The following CLN6 variants were observed in gnomAD, a reference collection of about 807,000 sequenced individuals.
CLN6 encodes the protein CLN6 transmembrane ER protein, also known as ceroid-lipofuscinosis neuronal protein 6.
In CLN6, 22 loss-of-function variants were observed where a neutral mutation model predicts 33.3. The observed-to-expected ratio is 0.66, with a 90% CI of 0.47 to 0.94. The LOEUF is 0.94. Ranked by LOEUF, CLN6 falls within the 40% of genes least tolerant of loss-of-function variation. CLN6 has a pLI of 0.00. For missense variants in CLN6, 387 were observed against 417.1 expected, an observed-to-expected ratio of 0.93 and a Z score of 0.63; for synonymous variants, 201 against 174.6, an observed-to-expected ratio of 1.15 and a Z score of -1.19.
chr15:68,253,297 C>A (rs1356640176), intron 1 of CLN6, among the ~76,000 whole-genome samples: 1 of 152,256 alleles, frequency 6.6e-6, no homozygotes, highest in African/African-American at 2.4e-5. Context: ...TGGCATGGAT[C>A]TTGCAGCCAC....
At chr15:68,224,052 AAACAACAAC>A (rs146628174) in intron 1 of CLN6, among the ~76,000 whole-genome samples, 50 of 151,312 alleles carry the variant, frequency 3.3e-4, no homozygotes, top group African/African-American at 7.6e-4. Context: ...CTCAAAAAGA[AAACAACAAC>A]AACAACAACA....
At position 68,235,613 on chromosome 15, in the gene CLN6, T is replaced by A. The variant is rs1201686086; in HGVS notation, c.180-16963A>T. Among the ~76,000 whole-genome samples, 188 of 131,974 alleles carry A rather than the reference T, an allele frequency of 1.4e-3. 3 individuals carry two copies. In the East Asian group the frequency reaches 0.017, roughly 12 times the overall value. The allele number at this position is 131,974 out of a possible 152,430, so 86.6% of individuals were successfully genotyped here. On this transcript the variant is annotated intron_variant, in intron 1 of 6. Coordinates refer to the CLN6 transcript ENST00000538696. ...ATATATATATATATATATATATATA[T>A]ATATATATATATATATATATCGATT...
chr15:68,214,445 G>C (rs2093215118), intron 2 of CLN6, 57 bp from the exon 3 acceptor site: 1 of 1,333,842 alleles, frequency 7.5e-7, no homozygotes, highest in Admixed American at 1.7e-5. Context: ...CGGCCCTCGG[G>C]CCTCAAGGGA....
chr15:68,223,521 C>G (rs1051239940), intron 1 of CLN6, among the ~76,000 whole-genome samples: 2 of 152,154 alleles, frequency 1.3e-5, no homozygotes, highest in Non-Finnish European at 2.9e-5. Flanking sequence ...AGGTAACAGC[C>G]TTCAGTTTCT....
Position 68,208,277 on chromosome 15 carries a change from C to A in CLN6, c.799G>T (p.Ala267Ser), listed in dbSNP as rs374613712. The change falls in exon 7 of 7, where the codon GCA becomes TCA. Residue 267 changes from alanine (A) to serine (S), a missense_variant. Transcript: ENST00000249806. This position sits in a 1 kb window ranked among gnomAD's most constrained non-coding sequence, Gnocchi z 5.8. ...SNGLFLFSSF[A>S]LTLLLVALWV... ...AGCGCCACAAGCAAGAGGGTCAGTG[C>A]GAAGGAGGAGAAGAGGAAGAGGCCG... 1 of 1,614,070 alleles carries A rather than the reference C, an allele frequency of 6.2e-7. No homozygotes were observed. Among genetic ancestry groups the A allele is most frequent in the East Asian group, 2.2e-5 (1 of 44,862 alleles).
At chr15:68,222,211 C>T (rs1337282883) in intron 1 of CLN6, among the ~76,000 whole-genome samples, 1 of 145,826 alleles carries the variant, frequency 6.9e-6, no homozygotes, top group Non-Finnish European at 1.5e-5. Flanking sequence ...CTCTGCCCAG[C>T]CGCCCCGTCT....
chr15:68,225,289 C>T (rs2093248610), intron 1 of CLN6, among the ~76,000 whole-genome samples: 1 of 152,186 alleles, frequency 6.6e-6, no homozygotes, highest in Non-Finnish European at 1.5e-5. Flanking sequence ...TTATTAAATA[C>T]ATGGCTTAAA....
chr15:68,214,049 C>G, intron 3 of CLN6: 1 of 467,482 alleles, frequency 2.1e-6, no homozygotes, highest in Non-Finnish European at 4.0e-6. Context: ...CCCACTGGCA[C>G]GCCAGGCTGA....
At chr15:68,214,676 C>A (rs561000491) in intron 2 of CLN6, 2 of 402,958 alleles carry the variant, frequency 5.0e-6, no homozygotes, top group Non-Finnish European at 9.5e-6. Context: ...CCAGCAGATA[C>A]CAAATAAATG....
rs2141169298 is a variant in CLN6, at chr15:68,256,794, C to CCTAGGGATGG, written c.65_74dup (p.Arg25SerfsTer4). ...TCAAGCCCGCCTCGCCTCCCTCCCTCCTAGGGATGGCTCCCAGTGTCTCTG... is the reference window on the plus strand; with the variant it reads ...TCAAGCCCGCCTCGCCTCCCTCCCTCCTAGGGATGGCTAGGGATGGCTCCCAGTGTCTCTG... On this transcript the variant is annotated stop_gained and frameshift_variant, in exon 1 of 7. Coordinates refer to the CLN6 transcript ENST00000538696. This position sits in a 1 kb window ranked among gnomAD's most constrained non-coding sequence, Gnocchi z 4.1. 2.8e-6 allele frequency: 2 copies of CCTAGGGATGG among 702,240 alleles called. No individual in the cohort carries two copies. The highest frequency in any genetic ancestry group is 2.6e-6 in the Non-Finnish European group (1 of 384,740). 43.5% of individuals were successfully genotyped at this position (702,240 alleles called of 1,614,324 possible).
At chr15:68,229,361 A>G in intron 1 of CLN6, 141 bp downstream of exon 1, 1 of 554,192 alleles carries the variant, frequency 1.8e-6, no homozygotes, top group East Asian at 3.9e-5. Context: ...GCGCGCCTCC[A>G]AGCCCCCCGC....
chr15:68,239,109 T>C (rs1056395527), intron 1 of CLN6, among the ~76,000 whole-genome samples: 2 of 151,496 alleles, frequency 1.3e-5, no homozygotes, highest in South Asian at 4.1e-4. Context: ...AAACAGAAAA[T>C]GTGTAACTTC....
chr15:68,243,769 A>G (rs895873884), intron 1 of CLN6, among the ~76,000 whole-genome samples: 1 of 151,282 alleles, frequency 6.6e-6, no homozygotes, highest in Non-Finnish European at 1.5e-5. Flanking sequence ...AAAAAAAAAA[A>G]ACACAAAAAA....
chr15:68,251,683 C>G (rs1892380492), intron 1 of CLN6, among the ~76,000 whole-genome samples: 1 of 151,718 alleles, frequency 6.6e-6, no homozygotes, highest in Non-Finnish European at 1.5e-5. Flanking sequence ...TCAAAACAAA[C>G]AAACAAACAA....
intron 1 of CLN6, among the ~76,000 whole-genome samples, chr15:68,240,975 C>A: frequency 6.8e-6 from 1 of 146,554 alleles, no homozygotes; most frequent in Non-Finnish European, 1.5e-5. Flanking sequence ...CAGAAGGAGC[C>A]TCCATCTCCC....
chr15:68,223,382 G>T (rs1021920954), intron 1 of CLN6, among the ~76,000 whole-genome samples: 1 of 152,152 alleles, frequency 6.6e-6, no homozygotes, highest in Non-Finnish European at 1.5e-5. Flanking sequence ...CCTGAGGACT[G>T]CTCAGTGGTC....
upstream of CLN6, among the ~76,000 whole-genome samples, chr15:68,233,204 A>G (rs767142797): frequency 5.3e-5 from 8 of 150,898 alleles, no homozygotes; most frequent in East Asian, 3.9e-4. The surrounding 1 kb of genome is among the most constrained non-coding windows in gnomAD (Gnocchi z 4.3). Context: ...ACACTCCCCA[A>G]TACAGTGTTA....
chr15:68,229,396 C>G, intron 1 of CLN6, 106 bp downstream of exon 1: 5 of 892,408 alleles, frequency 5.6e-6, no homozygotes, highest in Middle Eastern at 3.6e-4. Context: ...CGGCCAGCGC[C>G]GCACACGAGG....
intron 1 of CLN6, among the ~76,000 whole-genome samples, chr15:68,224,289 A>AC (rs2093245886): frequency 6.7e-6 from 1 of 149,198 alleles, no homozygotes; most frequent in Non-Finnish European, 1.5e-5. Flanking sequence ...AAAAAAAAAA[A>AC]AGCAGGCACA....
Sources: gnomAD v4.1 joint callset for allele counts (sites outside exome capture counted in the v4.1 genomes callset) on GRCh38, gnomAD v4.1.1 for gene constraint, Gnocchi (gnomAD v3.1) non-coding constraint, MANE v1.5 for transcripts, NCBI Gene and HGNC (gene_info 2026-07-23, HGNC 2026-07-21) for gene names.